The following MYO9B variants were observed in gnomAD, a reference collection of about 807,000 sequenced individuals.
The protein encoded by MYO9B is myosin IXB.
In MYO9B, 71 loss-of-function variants were observed where a neutral mutation model predicts 229.5. The ratio of observed to expected loss-of-function variants is 0.31; its 90% CI spans 0.26 to 0.38. The LOEUF (loss-of-function observed/expected upper bound fraction) is 0.38. Ranked by LOEUF, MYO9B falls within the 10% of genes least tolerant of loss-of-function variation. The pLI is 1.00. For synonymous variants in MYO9B, 1,185 were observed against 1,235.8 expected (o/e 0.96, Z 0.86); for missense variants, 2,255 against 2,920.5 (o/e 0.77, Z 5.25).
At chr19:17,141,335 C>T (rs1188800597) in intron 2 of MYO9B, among the ~76,000 whole-genome samples, 2 of 152,154 alleles carry the variant, frequency 1.3e-5, no homozygotes, top group African/African-American at 4.8e-5. Flanking sequence ...TCTCCTATCC[C>T]CTGGGTGGCC....
intron 2 of MYO9B, among the ~76,000 whole-genome samples, chr19:17,142,162 CT>C (rs74181762): frequency 3.6e-5 from 4 of 110,190 alleles, no homozygotes; most frequent in African/African-American, 1.4e-4. Context: ...AAGACCCTGC[CT>C]TTTAAAAAAA....
chr19:17,108,446 G>T (rs1331052999), intron 2 of MYO9B, among the ~76,000 whole-genome samples: 2 of 152,132 alleles, frequency 1.3e-5, no homozygotes, highest in African/African-American at 4.8e-5. Context: ...GAAGGACATT[G>T]AGCAGCATCC....
chr19:17,187,698 A>G (rs1196326101), intron 18 of MYO9B, among the ~76,000 whole-genome samples: 1 of 151,644 alleles, frequency 6.6e-6, no homozygotes, highest in African/African-American at 2.4e-5. Context: ...GAGTGTCTGG[A>G]GCAAGGACGG....
intron 2 of MYO9B, among the ~76,000 whole-genome samples, chr19:17,107,378 T>G (rs1185994544): frequency 6.6e-6 from 1 of 152,128 alleles, no homozygotes; most frequent in African/African-American, 2.4e-5. Context: ...CCCCAGGGTC[T>G]CAAAGTGGCA....
chr19:17,196,902 TTGA>T (rs758725745), intron 22 of MYO9B, among the ~76,000 whole-genome samples: 7 of 149,340 alleles, frequency 4.7e-5, no homozygotes, highest in Non-Finnish European at 8.9e-5. Context: ...GAACATAGAG[TTGA>T]TGGATGGAGG....
chr19:17,077,168 G>A (rs913527284), intron 1 of MYO9B, among the ~76,000 whole-genome samples: 1 of 152,198 alleles, frequency 6.6e-6, no homozygotes, highest in African/African-American at 2.4e-5. Flanking sequence ...TGGCTCTTGT[G>A]GCCCTGGCAG....
intron 10 of MYO9B, among the ~76,000 whole-genome samples, chr19:17,165,943 C>T (rs1405902874): frequency 1.3e-5 from 2 of 152,152 alleles, no homozygotes; most frequent in Non-Finnish European, 2.9e-5. Flanking sequence ...TGGCTGTTTT[C>T]ACATCACGAC....
At chr19:17,133,428 C>T (rs562654658) in intron 2 of MYO9B, among the ~76,000 whole-genome samples, 1 of 152,192 alleles carries the variant, frequency 6.6e-6, no homozygotes, top group African/African-American at 2.4e-5. Flanking sequence ...CCCAACCCTG[C>T]CGCCACCCCC....
At chr19:17,119,063 G>A (rs899407605) in intron 2 of MYO9B, among the ~76,000 whole-genome samples, 1 of 152,210 alleles carries the variant, frequency 6.6e-6, no homozygotes, top group Non-Finnish European at 1.5e-5. Context: ...CAGGAAGCAA[G>A]ATGTGGGGGT....
chr19:17,207,165 A>G lies in MYO9B; in HGVS notation c.5545A>G (p.Ile1849Val). 1.2e-6 allele frequency: 2 copies of G among 1,608,302 alleles called. No individual in the cohort carries two copies. Among genetic ancestry groups the G allele is most frequent in the Non-Finnish European group, 1.7e-6 (2 of 1,178,092 alleles). The change falls in exon 35 of 40, where the codon ATC (isoleucine) becomes GTC (valine). Residue 1849 changes from isoleucine to valine, a missense_variant. By Grantham distance (29) the Ile-to-Val change is conservative. Around this residue, in one of 7 missense-constraint regions of MYO9B, gnomAD observed 416 missense variants for 605.5 expected, o/e 0.69. Transcript: ENST00000682292. The part of the protein sequence containing the change: ...NRMSPGALAI[I>V]FAPCLLRCPD... The stretch of plus-strand genomic sequence containing the variant: ...CATGTCACCTGGGGCGCTGGCCATT[A>G]TCTTCGCACCCTGCCTCCTGCGCTG...
At chr19:17,178,731 C>T (rs1020134894) in intron 14 of MYO9B, among the ~76,000 whole-genome samples, 1 of 151,990 alleles carries the variant, frequency 6.6e-6, no homozygotes, top group Non-Finnish European at 1.5e-5. Context: ...GTAATTATCC[C>T]CTTAAACTAG....
intron 24 of MYO9B, among the ~76,000 whole-genome samples, chr19:17,199,843 GC>G (rs2073088106): frequency 6.7e-6 from 1 of 150,332 alleles, no homozygotes; most frequent in African/African-American, 2.4e-5. Flanking sequence ...ACCATACCCA[GC>G]CAGATCCATT....
Position 17,202,875 on chromosome 19 carries a change from G to A in MYO9B, c.4870G>A (p.Glu1624Lys), listed in dbSNP as rs758779163. Residue 1624 changes from glutamate (E) to lysine (K), a missense_variant, in exon 29 of 40, where the codon GAG (glutamate) becomes AAG (lysine). This residue lies in a region of MYO9B where 416 missense variants were observed against 605.5 expected (regional missense o/e 0.69). Transcript: ENST00000682292. ...AGCTCAGAAGAAGAAGCGGAAGCAG[G>A]AGCGTGCTGTGAGTAGGCTGCACAT... The part of the protein sequence containing the change: ...SKAQKKKRKQ[E>K]RAVQEHNGHV... 12 of 1,602,116 alleles carry A rather than the reference G, an allele frequency of 7.5e-6. No individual in the cohort carries two copies. The highest frequency in any genetic ancestry group is 9.4e-6 in the Non-Finnish European group (11 of 1,174,516).
intron 1 of MYO9B, among the ~76,000 whole-genome samples, chr19:17,084,709 C>CAAAAAAAAAAAA (rs903470342): frequency 1.2e-5 from 1 of 81,288 alleles, no homozygotes. Context: ...ACTAAAAATA[C>CAAAAAAAAAAAA]AAAAAAAAAA....
chr19:17,203,038 C>G (rs772799479), intron 29 of MYO9B, 109 bp from the exon 30 acceptor site: 1 of 1,358,742 alleles, frequency 7.4e-7, no homozygotes, highest in Non-Finnish European at 1.0e-6. Flanking sequence ...TATACGGAGC[C>G]GTAGTCTTGA....
At chr19:17,102,607 A>G in intron 2 of MYO9B, 50 bp downstream of exon 2, 1 of 1,488,250 alleles carries the variant, frequency 6.7e-7, no homozygotes, top group South Asian at 1.3e-5. Context: ...TGTTTGGAAA[A>G]TGCGGGTTTC....
intron 1 of MYO9B, among the ~76,000 whole-genome samples, chr19:17,080,080 A>G (rs950789120): frequency 6.6e-6 from 1 of 152,182 alleles, no homozygotes; most frequent in African/African-American, 2.4e-5. Flanking sequence ...CCCGATGATA[A>G]ATAAAGTAGT....
chr19:17,114,305 G>T (rs1313459166), intron 2 of MYO9B, among the ~76,000 whole-genome samples: 1 of 152,190 alleles, frequency 6.6e-6, no homozygotes, highest in South Asian at 2.1e-4. Flanking sequence ...TGGAGTGGCT[G>T]TTGGGCGTGG....
chr19:17,122,400 G>A (rs2057974324), intron 2 of MYO9B, among the ~76,000 whole-genome samples: 2 of 152,074 alleles, frequency 1.3e-5, no homozygotes, highest in Non-Finnish European at 2.9e-5. Context: ...TTAGCTGGGT[G>A]TGGTGGCATG....
Sources: gnomAD v4.1 joint callset for allele counts (sites outside exome capture counted in the v4.1 genomes callset) on GRCh38, gnomAD v4.1.1 for gene constraint, gnomAD v4.1.1 regional missense constraint, MANE v1.5 for transcripts, NCBI Gene and HGNC (gene_info 2026-07-23, HGNC 2026-07-21) for gene names.